The following COMMD4 variants were observed in gnomAD, a reference collection of about 807,000 sequenced individuals.
COMMD4 encodes COMM domain containing 4.
Under a neutral mutation model 27.5 loss-of-function variants are expected in COMMD4, and 18 were observed. The ratio of observed to expected loss-of-function variants is 0.65; its 90% CI spans 0.45 to 0.97. The LOEUF is 0.97. Among genes scored for constraint, COMMD4 ranks in the 50% least tolerant of loss-of-function variants. COMMD4 has a pLI of 0.00. For missense variants in COMMD4, 243 were observed against 250.0 expected (o/e 0.97, Z 0.19); for synonymous variants, 108 against 108.4 (o/e 1.00, Z 0.02).
chr15:75,336,153 G>C, intron 1 of COMMD4, 61 bp downstream of exon 1: 1 of 1,549,688 alleles, frequency 6.5e-7, no homozygotes, highest in Non-Finnish European at 8.7e-7. Flanking sequence ...GGGGCGCCAA[G>C]TGGCTCCGGA....
At chr15:75,341,817 T>A (rs944471037), downstream of COMMD4, 4 of 152,208 alleles carry the variant, frequency 2.6e-5, no homozygotes, top group Non-Finnish European at 5.9e-5. Flanking sequence ...GGCCCATGCC[T>A]GTAATCCCAG....
At chr15:75,337,120 C>G (rs1332491368) in intron 1 of COMMD4, 2 of 152,262 alleles carry the variant, frequency 1.3e-5, no homozygotes, top group Non-Finnish European at 2.9e-5. Flanking sequence ...TGGCTGGGTG[C>G]GGTGGCTCAT....
In COMMD4 at chr15:75,340,004, G is replaced by A. The variant is rs752474029; in HGVS notation, c.599G>A (p.Ter200=). The A allele has an allele frequency of 6.2e-7, 1 of 1,613,894 alleles. No individual in the cohort carries two copies. The highest frequency in any genetic ancestry group is 8.5e-7 in the Non-Finnish European group (1 of 1,179,950). The stretch of plus-strand genomic sequence containing the variant: ...CAGACCCTGATGAGCTCCCTGGGCT[G>A]AGGAGAAGGGTGTTCCAGGCCTGTG... ...QAQTLMSSLG[*] The change falls in exon 8 of 8, where the codon TGA becomes TAA. Residue 200 remains the stop codon, a stop_retained_variant. Coordinates refer to ENST00000267935, the MANE Select transcript of COMMD4 (RefSeq NM_017828.5).
intron 1 of COMMD4, chr15:75,336,402 G>A: frequency 1.2e-6 from 1 of 813,198 alleles, no homozygotes; most frequent in Non-Finnish European, 1.8e-6. Flanking sequence ...GTCCTTTCAG[G>A]TCTTCCCCAT....
Position 75,338,654 on chromosome 15 carries a change from G to T in COMMD4, c.150G>T (p.Lys50Asn), listed in dbSNP as rs1376258149. ...GTCTCCTTTCCCCATAGTATGAGAA[G>T]ATCCTGAAGCTCACGGCTGACGCCA... ...ELLGQGIDYE[K>N]ILKLTADAKF... The change falls in exon 4 of 8, where the codon AAG (lysine) becomes AAT (asparagine). Residue 50 changes from lysine to asparagine, a missense_variant. By Grantham distance (94) the Lys-to-Asn change is moderately conservative. Transcript: ENST00000267935. 1 of 1,613,896 alleles carries T rather than the reference G, an allele frequency of 6.2e-7. No homozygotes were observed. Among genetic ancestry groups the T allele is most frequent in the Non-Finnish European group, 8.5e-7 (1 of 1,179,972 alleles).
rs2071377865 is a variant in COMMD4, at chr15:75,339,719, G to A, written c.400G>A (p.Val134Met). The stretch of plus-strand genomic sequence containing the variant: ...TCTCACAGTGAATAGGTTGGCAGGT[G>A]TGGGCTGGCGGGTGGACTACACCCT... The part of the protein sequence containing the change: ...CSLRMNRLAG[V>M]GWRVDYTLSS... The change falls in exon 7 of 8, where the codon GTG (valine) becomes ATG (methionine). Residue 134 changes from valine (V) to methionine (M), a missense_variant. By Grantham distance (21) the Val-to-Met change is conservative. Transcript: ENST00000267935. The A allele has an allele frequency of 5.0e-6, 8 of 1,602,382 alleles. No homozygotes were observed. Among genetic ancestry groups the A allele is most frequent in the South Asian group, 4.5e-5 (4 of 89,468 alleles).
intron 3 of COMMD4, 70 bp from the exon 4 acceptor site, chr15:75,338,576 G>T (rs1337805339): frequency 1.3e-6 from 2 of 1,596,648 alleles, no homozygotes; most frequent in South Asian, 1.1e-5. Flanking sequence ...CTTATCGCAG[G>T]ATCCAGGCTG....
downstream of COMMD4, among the ~76,000 whole-genome samples, chr15:75,340,642 T>C (rs1274353284): frequency 6.6e-6 from 1 of 152,120 alleles, no homozygotes; most frequent in Admixed American, 6.6e-5. Context: ...TTCGCTCCTC[T>C]TGCCCAGGTT....
Position 75,339,121 on chromosome 15 carries a change from G to A in COMMD4, c.301+17G>A. On this transcript the variant is annotated intron_variant, in intron 5 of 7. Transcript: ENST00000267935. ...TGCCCAAAGGTACGGGTTGTGGGTG[G>A]GCAGCTGGGCAGCCTGTGGGCCAAG... The A allele has an allele frequency of 6.2e-7, 1 of 1,612,854 alleles. No individual in the cohort carries two copies. Among genetic ancestry groups the A allele is most frequent in the Non-Finnish European group, 8.5e-7 (1 of 1,180,024 alleles).
At chr15:75,343,020 A>T (rs917427661), downstream of COMMD4, 1 of 152,046 alleles carries the variant, frequency 6.6e-6, no homozygotes. Flanking sequence ...GGGTTTCACT[A>T]TGTTGGCCAG....
At position 75,339,864 on chromosome 15, in the gene COMMD4, A is replaced by G. The variant is rs1174940596; in HGVS notation, c.545A>G (p.Gln182Arg). 29 of 1,613,084 alleles carry G rather than the reference A, an allele frequency of 1.8e-5. No homozygotes were observed. The Admixed American group carries it at 4.8e-4, about 27-fold the overall frequency. ...VAMSLSADKFQVLLAELKQAQ... is the reference protein window; with the variant it reads ...VAMSLSADKFRVLLAELKQAQ... ...ATGTCCCTCTCAGCAGACAAGTTCC[A>G]GGTCCTCCTGGCAGGTGAGGCTCAG... Residue 182 changes from glutamine (Q) to arginine (R), a missense_variant, in exon 7 of 8, where the codon CAG (glutamine) becomes CGG (arginine). Gln to Arg is a conservative substitution (Grantham distance 43). Transcript: ENST00000267935.
downstream of COMMD4, chr15:75,342,635 G>A (rs969044473): frequency 6.6e-6 from 1 of 152,132 alleles, no homozygotes; most frequent in African/African-American, 2.4e-5. Context: ...GGGAGACACC[G>A]GTCAAAAGGT....
intron 6 of COMMD4, 21 bp downstream of exon 6, chr15:75,339,365 G>A (rs746850605): frequency 6.2e-7 from 1 of 1,608,238 alleles, no homozygotes; most frequent in Non-Finnish European, 8.5e-7. Flanking sequence ...GGCCAGCCAG[G>A]GTCCGGGCTC....
intron 6 of COMMD4, 148 bp from the exon 7 acceptor site, chr15:75,339,554 C>G: frequency 8.8e-7 from 1 of 1,139,066 alleles, no homozygotes; most frequent in Admixed American, 2.4e-5. Flanking sequence ...TTATCGGGCA[C>G]CTGCCCTGTT....
chr15:75,338,293 C>T (rs959313230), intron 2 of COMMD4, 62 bp from the exon 3 acceptor site: 2 of 1,470,908 alleles, frequency 1.4e-6, no homozygotes, highest in African/African-American at 2.8e-5. Context: ...TGCTCTGAGC[C>T]AGTCCCCAGG....
intron 1 of COMMD4, 92 bp downstream of exon 1, chr15:75,336,184 G>A: frequency 6.5e-7 from 1 of 1,549,268 alleles, no homozygotes; most frequent in Non-Finnish European, 8.7e-7. Context: ...GGTTGTACTG[G>A]CCTCTCCGCA....
rs760258635 is a variant in COMMD4 at position 75,340,052 on chromosome 15, A to C, written c.*47A>C. 1.9e-6 allele frequency: 3 copies of C among 1,607,646 alleles called. No homozygotes were observed. In the Admixed American group the frequency reaches 5.1e-5, roughly 27 times the overall value. ...GTGTGGAGCCGCCCTGCCCGTATGG[A>C]GTCACGCCCTCTGAACTGCTCTTCG... On this transcript the variant is annotated 3_prime_UTR_variant, in exon 8 of 8. Transcript: ENST00000267935.
At position 75,339,072 on chromosome 15, in the gene COMMD4, C is replaced by A. The variant is rs1279107050; in HGVS notation, c.269C>A (p.Ser90Tyr). 6.2e-7 allele frequency: 1 copy of A among 1,613,758 alleles called. No homozygotes were observed. Among genetic ancestry groups the A allele is most frequent in the East Asian group, 2.2e-5 (1 of 44,886 alleles). The change falls in exon 5 of 8, where the codon TCC (serine) becomes TAC (tyrosine). Residue 90 changes from serine (S) to tyrosine (Y), a missense_variant. Coordinates refer to ENST00000267935, the MANE Select transcript of COMMD4 (RefSeq NM_017828.5). ...CACAGTGTCGATGGCGAATCCTTGTCCAGTGAACTGCAGCAGCTGGGGCTG... is the reference window on the plus strand; with the variant it reads ...CACAGTGTCGATGGCGAATCCTTGTACAGTGAACTGCAGCAGCTGGGGCTG... ...AKHSVDGESLSSELQQLGLPK... is the reference protein window; with the variant it reads ...AKHSVDGESLYSELQQLGLPK...
intron 1 of COMMD4, chr15:75,337,236 ACT>A (rs1328282022): frequency 1.4e-4 from 21 of 150,730 alleles, no homozygotes; most frequent in African/African-American, 3.9e-4. Flanking sequence ...ACAGAGGGAG[ACT>A]CTGTCTTATT....
Sources: gnomAD v4.1 joint callset for allele counts (sites outside exome capture counted in the v4.1 genomes callset) on GRCh38, gnomAD v4.1.1 for gene constraint, MANE v1.5 for transcripts, NCBI Gene and HGNC (gene_info 2026-07-23, HGNC 2026-07-21) for gene names.